The following MIPEP variants were observed in gnomAD, a reference collection of about 807,000 sequenced individuals.
MIPEP encodes mitochondrial intermediate peptidase.
MIPEP carries 79 observed loss-of-function variants against 90.3 expected under a neutral mutation model. The observed-to-expected ratio is 0.87, with a 90% confidence interval of 0.73 to 1.05. The LOEUF (loss-of-function observed/expected upper bound fraction) is 1.05, where lower values mean the gene tolerates loss of function less well. Among genes scored for constraint, MIPEP ranks in the 50% least tolerant of loss-of-function variants. The pLI is 0.00. For synonymous variants in MIPEP, 334 were observed against 315.8 expected, an observed-to-expected ratio of 1.06 and a Z score of -0.61; for missense variants, 940 against 905.6, an observed-to-expected ratio of 1.04 and a Z score of -0.49.
At chr13:23,785,648 AAAG>A (rs1952831617) in intron 16 of MIPEP, among the ~76,000 whole-genome samples, 1 of 151,506 alleles carries the variant, frequency 6.6e-6, no homozygotes, top group Admixed American at 6.6e-5. Flanking sequence ...AGAAAAAAAG[AAAG>A]AAGTCCTCTA....
At chr13:23,786,759 G>T (rs1392533238) in intron 16 of MIPEP, among the ~76,000 whole-genome samples, 1 of 152,204 alleles carries the variant, frequency 6.6e-6, no homozygotes, top group Non-Finnish European at 1.5e-5. Flanking sequence ...AGTGAGGGTT[G>T]TCAAAAGAAA....
intron 18 of MIPEP, among the ~76,000 whole-genome samples, chr13:23,747,223 C>A (rs1339198982): frequency 1.3e-5 from 2 of 152,210 alleles, no homozygotes; most frequent in Non-Finnish European, 2.9e-5. Flanking sequence ...ACCCACCTGG[C>A]ACATTTTCAC....
intron 9 of MIPEP, among the ~76,000 whole-genome samples, chr13:23,862,034 A>G (rs1340460355): frequency 6.6e-6 from 1 of 152,216 alleles, no homozygotes; most frequent in Non-Finnish European, 1.5e-5. Flanking sequence ...CACAGAATGA[A>G]AGCAGTCTTT....
Position 23,743,608 on chromosome 13 carries a change from A to C in MIPEP, c.2044+12937T>G, listed in dbSNP as rs138992687. 5.3e-5 allele frequency among the ~76,000 whole-genome samples: 8 copies of C among 152,362 alleles called. No homozygotes were observed. The East Asian group carries it at 1.5e-3, about 29-fold the overall frequency. The stretch of plus-strand genomic sequence containing the variant: ...TTATTAACTGAAGTGAAGCCTCTGA[A>C]CCTGTGTTAGACAGAAGTTGAGCCA... On this transcript the variant is annotated intron_variant, in intron 18 of 18. Coordinates refer to ENST00000382172, the MANE Select transcript of MIPEP (RefSeq NM_005932.4).
Position 23,885,316 on chromosome 13 carries a change from G to A in MIPEP, c.363+1017C>T, listed in dbSNP as rs191667639. Among the ~76,000 whole-genome samples the A allele has an allele frequency of 5.1e-4, 78 of 152,274 alleles. 1 individual carries two copies. In the East Asian group the frequency reaches 0.011, roughly 22 times the overall value. On this transcript the variant is annotated intron_variant, in intron 2 of 18. Coordinates refer to ENST00000382172, the MANE Select transcript of MIPEP (RefSeq NM_005932.4). ...CTAGGTAGGGTAGCAGGGTGGCATGGGGGAGGTGGGGATGGTTAATGGCTA... is the reference window on the plus strand; with the variant it reads ...CTAGGTAGGGTAGCAGGGTGGCATGAGGGAGGTGGGGATGGTTAATGGCTA...
At chr13:23,840,760 T>G (rs756677574) in intron 11 of MIPEP, among the ~76,000 whole-genome samples, 2 of 152,126 alleles carry the variant, frequency 1.3e-5, no homozygotes, top group Non-Finnish European at 2.9e-5. Context: ...TACAAAGCCT[T>G]AGTGACACAC....
At chr13:23,785,611 A>C (rs1449913600) in intron 16 of MIPEP, among the ~76,000 whole-genome samples, 3 of 144,276 alleles carry the variant, frequency 2.1e-5, no homozygotes, top group Non-Finnish European at 4.6e-5. Flanking sequence ...GTACCCTAGA[A>C]CTTAAAGTAT....
intron 2 of MIPEP, among the ~76,000 whole-genome samples, chr13:23,885,275 G>A (rs1424890976): frequency 6.6e-6 from 1 of 152,184 alleles, no homozygotes; most frequent in Non-Finnish European, 1.5e-5. Flanking sequence ...AAGAGTAGAA[G>A]GATGGTTACC....
Position 23,836,334 on chromosome 13 carries a change from G to A in MIPEP, c.1559C>T (p.Thr520Ile), listed in dbSNP as rs764483454. 6.3e-7 allele frequency: 1 copy of A among 1,583,578 alleles called. No individual in the cohort carries two copies. Among genetic ancestry groups the A allele is most frequent in the Non-Finnish European group, 8.6e-7 (1 of 1,168,248 alleles). The change falls in exon 14 of 19, where the codon ACT becomes ATT. Residue 520 changes from threonine (T) to isoleucine (I), a missense_variant. Physicochemically the swap from Thr to Ile is moderately conservative, Grantham distance 89. Transcript: ENST00000382172. Reference sequence around the variant, plus strand: ...AATAGAAGGAACCTCAGCAAAATCAGTAGGGCACCTGGTCCCTAAAACAAG... The same window carrying A: ...AATAGAAGGAACCTCAGCAAAATCAATAGGGCACCTGGTCCCTAAAACAAG... ...YQHVTGTRCP[T>I]DFAEVPSILM...
At chr13:23,884,117 G>A (rs1871372724) in intron 2 of MIPEP, among the ~76,000 whole-genome samples, 1 of 152,060 alleles carries the variant, frequency 6.6e-6, no homozygotes, top group Non-Finnish European at 1.5e-5. Flanking sequence ...CTGGGTGAAA[G>A]AAGTCAGTCA....
intron 10 of MIPEP, among the ~76,000 whole-genome samples, chr13:23,850,150 A>G (rs1440756300): frequency 6.6e-6 from 1 of 152,254 alleles, no homozygotes; most frequent in Non-Finnish European, 1.5e-5. Context: ...TGTAAAGGAC[A>G]CAGCACGTGA....
At position 23,760,090 on chromosome 13, in the gene MIPEP, C is replaced by T. The variant is rs772345005; in HGVS notation, c.1970+6G>A. On this transcript the variant is annotated splice_donor_region_variant and intron_variant, in intron 17 of 18. Coordinates refer to ENST00000382172, the MANE Select transcript of MIPEP (RefSeq NM_005932.4). ...GATGGGGACATTTTAGAACTTACCC[C>T]CTTACCTGTTGAAAGGATCCTGTAG... is the stretch of plus-strand genomic sequence containing the variant. 8.1e-6 allele frequency: 13 copies of T among 1,613,972 alleles called. No individual in the cohort carries two copies. In the African/African-American group the frequency reaches 1.7e-4, roughly 22 times the overall value.
At chr13:23,798,352 T>G (rs1453770350) in intron 16 of MIPEP, among the ~76,000 whole-genome samples, 4 of 152,188 alleles carry the variant, frequency 2.6e-5, no homozygotes, top group Non-Finnish European at 4.4e-5. Flanking sequence ...TTAGACTTAA[T>G]AGAAATTAGT....
chr13:23,864,596 C>T (rs761080055), intron 7 of MIPEP, among the ~76,000 whole-genome samples: 4 of 151,874 alleles, frequency 2.6e-5, no homozygotes, highest in South Asian at 2.1e-4. Flanking sequence ...ATTAGCCAGG[C>T]GTGGTGGTGC....
intron 5 of MIPEP, among the ~76,000 whole-genome samples, chr13:23,871,699 T>C (rs1043756941): frequency 6.6e-6 from 1 of 152,180 alleles, no homozygotes; most frequent in Non-Finnish European, 1.5e-5. Context: ...TGAGTATATA[T>C]CAATATCCCC....
intron 10 of MIPEP, among the ~76,000 whole-genome samples, chr13:23,853,378 G>C (rs559887640): frequency 6.6e-6 from 1 of 152,116 alleles, no homozygotes; most frequent in Non-Finnish European, 1.5e-5. Context: ...TCCATGTTTA[G>C]ATGCATATAT....
intron 14 of MIPEP, among the ~76,000 whole-genome samples, chr13:23,825,756 C>T (rs1868419793): frequency 6.6e-6 from 1 of 152,134 alleles, no homozygotes; most frequent in Non-Finnish European, 1.5e-5. Flanking sequence ...CCTACCCTGG[C>T]TGAGTCTAAG....
intron 5 of MIPEP, among the ~76,000 whole-genome samples, chr13:23,874,621 G>A (rs1870978840): frequency 1.3e-5 from 2 of 152,124 alleles, no homozygotes; most frequent in South Asian, 4.1e-4. Context: ...ACTCCACTTG[G>A]CTCAAGCCTG....
At chr13:23,841,702 A>G (rs1018211620) in intron 10 of MIPEP, among the ~76,000 whole-genome samples, 1 of 152,218 alleles carries the variant, frequency 6.6e-6, no homozygotes, top group Non-Finnish European at 1.5e-5. Flanking sequence ...TCAGTAATTA[A>G]GGTAGATATA....
Sources: allele counts gnomAD v4.1 joint callset (sites outside exome capture counted in the v4.1 genomes callset), GRCh38; gene constraint gnomAD v4.1.1; transcripts MANE v1.5; gene names NCBI Gene and HGNC (gene_info 2026-07-23, HGNC 2026-07-21).